ARID5A: variants seen among roughly 807,000 people sequenced by gnomAD.
The protein encoded by ARID5A is AT-rich interaction domain 5A.
ARID5A carries 14 observed loss-of-function variants against 30.5 expected under a neutral mutation model. The ratio of observed to expected loss-of-function variants is 0.46; its 90% CI spans 0.30 to 0.72. ARID5A has a LOEUF of 0.72. Among genes scored for constraint, ARID5A ranks in the 30% least tolerant of loss-of-function variants. ARID5A has a pLI of 0.07. For missense variants in ARID5A, 669 were observed against 786.2 expected, an observed-to-expected ratio of 0.85 and a Z score of 1.78; for synonymous variants, 338 against 340.4, an observed-to-expected ratio of 0.99 and a Z score of 0.08.
chr2:96,550,201 G>T lies in ARID5A; in HGVS notation c.326G>T (p.Arg109Leu). The T allele has an allele frequency of 6.5e-7, 1 of 1,534,746 alleles. No homozygotes were observed. ...LGAYELVTGR[R>L]LWKNVYDELG... The stretch of plus-strand genomic sequence containing the variant: ...GTGCCCTTGCAGGTGACCGGGCGCC[G>T]CCTCTGGAAGAACGTGTACGACGAG... The change falls in exon 5 of 7, where the codon CGC (arginine) becomes CTC (leucine). Residue 109 changes from arginine (R) to leucine (L), a missense_variant. Arg to Leu is a moderately radical substitution (Grantham distance 102). This residue lies in a region of ARID5A where 64 missense variants were observed against 119.7 expected (regional missense o/e 0.53). Transcript: ENST00000357485. This position sits in a 1 kb window ranked among gnomAD's most constrained non-coding sequence, Gnocchi z 6.6.
rs1178212231 is a variant in ARID5A at position 96,549,238 on chromosome 2, T to C, written c.121-83T>C. The C allele has an allele frequency of 1.3e-6, 2 of 1,561,460 alleles. No individual in the cohort carries two copies. The highest frequency in any genetic ancestry group is 1.7e-6 in the Non-Finnish European group (2 of 1,154,198). ...GGGGTTGGGGTAGGTACCTTATTCCTCCTGCAGCCAGTGGTTTCTGCACAT... is the reference window on the plus strand; with the variant it reads ...GGGGTTGGGGTAGGTACCTTATTCCCCCTGCAGCCAGTGGTTTCTGCACAT... On this transcript the variant is annotated intron_variant, in intron 2 of 6. Transcript: ENST00000357485. This position sits in a 1 kb window ranked among gnomAD's most constrained non-coding sequence, Gnocchi z 6.1.
chr2:96,548,772 T>C (rs898143703), intron 2 of ARID5A, among the ~76,000 whole-genome samples: 63 of 152,324 alleles, frequency 4.1e-4, no homozygotes, highest in Middle Eastern at 3.4e-3. Flanking sequence ...CAGTGCGCAA[T>C]TGAAGCCCAG....
In ARID5A at chr2:96,552,528, T is replaced by TA. The variant is rs1215740175; in HGVS notation, c.*216dup. 6.5e-7 allele frequency: 1 copy of TA among 1,532,038 alleles called. No homozygotes were observed. The highest frequency in any genetic ancestry group is 1.4e-5 in the African/African-American group (1 of 73,122). The allele number at this position is 1,532,038 out of a possible 1,614,324, so 94.9% of individuals were successfully genotyped here. A position where few individuals can be genotyped will look rare whatever the true frequency, so the allele number is the denominator to read the frequency against. On this transcript the variant is annotated 3_prime_UTR_variant, in exon 7 of 7. Transcript: ENST00000357485. ...GCCCAGGAGCAGAGGACCCAGTTGT[T>TA]ATAAGGCGCTGGGAGAGGATGGGCA...
chr2:96,542,057 T>G (rs1482536602), intron 1 of ARID5A, among the ~76,000 whole-genome samples: 1 of 152,224 alleles, frequency 6.6e-6, no homozygotes, highest in Non-Finnish European at 1.5e-5. Flanking sequence ...ACGCTGGACC[T>G]GCATGGCCCA....
At chr2:96,540,659 A>C (rs1222031334) in intron 1 of ARID5A, among the ~76,000 whole-genome samples, 1 of 152,250 alleles carries the variant, frequency 6.6e-6, no homozygotes, top group East Asian at 1.9e-4. Context: ...CCTGAAAAGA[A>C]AGATGCAATA....
At chr2:96,542,641 G>A (rs1264062683) in intron 1 of ARID5A, among the ~76,000 whole-genome samples, 2 of 152,170 alleles carry the variant, frequency 1.3e-5, no homozygotes, top group Admixed American at 6.5e-5. Flanking sequence ...GGATGGGGCC[G>A]GAGCATTATG....
chr2:96,547,511 G>A lies in ARID5A; in HGVS notation c.114G>A (p.Ser38=), dbSNP rs761642785. 27 of 1,613,614 alleles carry A rather than the reference G, an allele frequency of 1.7e-5. 1 individual carries two copies. The South Asian group carries it at 2.4e-4, about 14-fold the overall frequency. ...AGAACGGAATCCAGAACCCCATCTC[G>A]CTGGAGGTGAGTTGACTCCCTCTGC... ...GKQNGIQNPI[S]LEDSPEAGGE... Residue 38 remains serine, a synonymous_variant, in exon 2 of 7, where the codon TCG becomes TCA. Coordinates refer to ENST00000357485, the MANE Select transcript of ARID5A (RefSeq NM_212481.3).
At position 96,549,820 on chromosome 2, in the gene ARID5A, TC is replaced by T; in HGVS notation, c.312+18del. The stretch of plus-strand genomic sequence containing the variant: ...CCTATGAGCTGGTAAGGAAGGCACC[TC>T]CCAGTCCTTGCCAAACTGCATATCC... On this transcript the variant is annotated intron_variant, in intron 4 of 6. Transcript: ENST00000357485. This position sits in a 1 kb window ranked among gnomAD's most constrained non-coding sequence, Gnocchi z 6.1. 6.2e-7 allele frequency: 1 copy of T among 1,609,806 alleles called. No homozygotes were observed. Among genetic ancestry groups the T allele is most frequent in the Non-Finnish European group, 8.5e-7 (1 of 1,177,832 alleles).
rs554060328 is a variant in ARID5A, at chr2:96,539,493, T to G, written c.4+2663T>G. ...CTTCCTGCCTTTGCATACCTGCCTT[T>G]GCTTCGCCAGGTTGGTTGGGCCCTG... On this transcript the variant is annotated intron_variant, in intron 1 of 6. Coordinates refer to ENST00000357485, the MANE Select transcript of ARID5A (RefSeq NM_212481.3). This position sits in a 1 kb window ranked among gnomAD's most constrained non-coding sequence, Gnocchi z 4.7. Among the ~76,000 whole-genome samples the G allele has an allele frequency of 2.0e-5, 3 of 152,386 alleles. No homozygotes were observed. The highest frequency in any genetic ancestry group is 4.4e-5 in the Non-Finnish European group (3 of 68,036).
chr2:96,537,841 C>G lies in ARID5A; in HGVS notation c.4+1011C>G. The G allele has an allele frequency of 1.0e-6, 1 of 984,970 alleles. No individual in the cohort carries two copies. The highest frequency in any genetic ancestry group is 1.2e-6 in the Non-Finnish European group (1 of 829,544). The allele number at this position is 984,970 out of a possible 1,614,324, so 61.0% of individuals were successfully genotyped here. A position where few individuals can be genotyped will look rare whatever the true frequency, so the allele number is the denominator to read the frequency against. ...AGGACCCCCGAGGGCCCAGGGGGTCCCAAGGCGCTGCGGGTCCAGTGTCCC... is the reference window on the plus strand; with the variant it reads ...AGGACCCCCGAGGGCCCAGGGGGTCGCAAGGCGCTGCGGGTCCAGTGTCCC... On this transcript the variant is annotated intron_variant, in intron 1 of 6. Coordinates refer to ENST00000357485, the MANE Select transcript of ARID5A (RefSeq NM_212481.3). This position sits in a 1 kb window ranked among gnomAD's most constrained non-coding sequence, Gnocchi z 4.8.
chr2:96,545,789 A>G (rs143721574), intron 1 of ARID5A, among the ~76,000 whole-genome samples: 3,797 of 151,988 alleles, frequency 0.025, 164 homozygotes, highest in African/African-American at 0.088. Context: ...CCCCGTCTCT[A>G]CTAAAAATAC....
At chr2:96,544,824 T>C (rs2065899190) in intron 1 of ARID5A, among the ~76,000 whole-genome samples, 1 of 152,252 alleles carries the variant, frequency 6.6e-6, no homozygotes, top group South Asian at 2.1e-4. Flanking sequence ...ATTCCTCTGA[T>C]GGGCAAAATA....
At chr2:96,544,494 C>T (rs1277433905) in intron 1 of ARID5A, among the ~76,000 whole-genome samples, 2 of 152,236 alleles carry the variant, frequency 1.3e-5, no homozygotes, top group African/African-American at 2.4e-5. Flanking sequence ...GCTAAATCTA[C>T]TCACTCTGTG....
chr2:96,547,078 G>A (rs564736666), intron 1 of ARID5A, among the ~76,000 whole-genome samples: 6 of 152,226 alleles, frequency 3.9e-5, no homozygotes, highest in Admixed American at 1.3e-4. Context: ...GTCGGGGAGC[G>A]GGGAGGAGGG....
Position 96,550,168 on chromosome 2 carries a change from C to T in ARID5A, c.313-20C>T, listed in dbSNP as rs1172396722. ...CCAGGGGGCGCCCGCCGGCCGCGCCCTCACGAGGTGCCCTTGCAGGTGACC... is the reference window on the plus strand; with the variant it reads ...CCAGGGGGCGCCCGCCGGCCGCGCCTTCACGAGGTGCCCTTGCAGGTGACC... On this transcript the variant is annotated intron_variant, in intron 4 of 6. Transcript: ENST00000357485. The surrounding 1 kb of genome is among the most constrained non-coding windows in gnomAD (Gnocchi z 6.6). 6.5e-7 allele frequency: 1 copy of T among 1,533,728 alleles called. No homozygotes were observed. Among genetic ancestry groups the T allele is most frequent in the African/African-American group, 1.4e-5 (1 of 72,724 alleles).
At chr2:96,545,205 G>T (rs2065908509) in intron 1 of ARID5A, among the ~76,000 whole-genome samples, 3 of 136,644 alleles carry the variant, frequency 2.2e-5, no homozygotes, top group Admixed American at 1.7e-4. Flanking sequence ...CGCCCAGACT[G>T]GAGTACAGTG....
Position 96,549,219 on chromosome 2 carries a change from G to A in ARID5A, c.121-102G>A, listed in dbSNP as rs2065982025. The stretch of plus-strand genomic sequence containing the variant: ...AGGTGTTCTCTGGGAAACTGGGGTT[G>A]GGGTAGGTACCTTATTCCTCCTGCA... On this transcript the variant is annotated intron_variant, in intron 2 of 6. Transcript: ENST00000357485. This position sits in a 1 kb window ranked among gnomAD's most constrained non-coding sequence, Gnocchi z 6.1. The A allele has an allele frequency of 6.5e-7, 1 of 1,528,336 alleles. No homozygotes were observed. Among genetic ancestry groups the A allele is most frequent in the Admixed American group, 2.1e-5 (1 of 48,182 alleles). The allele number at this position is 1,528,336 out of a possible 1,614,324, so 94.7% of individuals were successfully genotyped here.
chr2:96,541,941 C>T lies in ARID5A; in HGVS notation c.4+5111C>T, dbSNP rs532571165. 1.1e-4 allele frequency among the ~76,000 whole-genome samples: 17 copies of T among 152,262 alleles called. 1 individual carries two copies. Among genetic ancestry groups the T allele is most frequent in the South Asian group, 4.1e-4 (2 of 4,824 alleles). On this transcript the variant is annotated intron_variant, in intron 1 of 6. Coordinates refer to ENST00000357485, the MANE Select transcript of ARID5A (RefSeq NM_212481.3). ...CTGTGGGCTGAGTGGGGCTGGGAGA[C>T]GGGGCCTCCAGCTCCATAAGCCTTT... is the stretch of plus-strand genomic sequence containing the variant.
chr2:96,544,934 G>A (rs996104307), intron 1 of ARID5A, among the ~76,000 whole-genome samples: 1 of 152,078 alleles, frequency 6.6e-6, no homozygotes, highest in African/African-American at 2.4e-5. Context: ...AACCTTCCTG[G>A]ATGACTTTGA....
Sources: gnomAD v4.1 joint callset for allele counts (sites outside exome capture counted in the v4.1 genomes callset) on GRCh38, gnomAD v4.1.1 for gene constraint, gnomAD v4.1.1 regional missense constraint, Gnocchi (gnomAD v3.1) non-coding constraint, MANE v1.5 for transcripts, NCBI Gene and HGNC (gene_info 2026-07-23, HGNC 2026-07-21) for gene names.